The following AGAP5 variants were observed in gnomAD, a reference collection of about 807,000 sequenced individuals.
AGAP5 encodes ArfGAP with GTPase domain, ankyrin repeat and PH domain 5, also known as arf-GAP with GTPase, ANK repeat and PH domain-containing protein 5.
A neutral mutation model predicts 27.7 loss-of-function variants in AGAP5; 8 were observed. The observed-to-expected ratio is 0.29, with a 90% CI of 0.17 to 0.52. The LOEUF (loss-of-function observed/expected upper bound fraction) is 0.52. Ranked by LOEUF, AGAP5 falls within the 20% of genes least tolerant of loss-of-function variation. The probability of loss-of-function intolerance (pLI) is 0.97; values close to 1 mark genes in which losing one functional copy is unlikely to be tolerated. For missense variants in AGAP5, 285 were observed against 880.8 expected (o/e 0.32, Z 8.56); for synonymous variants, 111 against 338.0 (o/e 0.33, Z 7.37).
At chr10:73,686,361 G>A (rs1281183021) in intron 4 of AGAP5, among the ~76,000 whole-genome samples, 2 of 152,322 alleles carry the variant, frequency 1.3e-5, no homozygotes, top group Non-Finnish European at 2.9e-5. Flanking sequence ...ACATGCGGGA[G>A]AATGAAACTG....
At chr10:73,679,274 T>C (rs1332739208) in intron 6 of AGAP5, among the ~76,000 whole-genome samples, 1 of 152,122 alleles carries the variant, frequency 6.6e-6, no homozygotes, top group Non-Finnish European at 1.5e-5. Context: ...GCGGTTCTCC[T>C]GCCTCAGCCT....
chr10:73,689,257 G>A (rs559648741), intron 4 of AGAP5, among the ~76,000 whole-genome samples: 53 of 152,364 alleles, frequency 3.5e-4, no homozygotes, highest in African/African-American at 1.2e-3. Context: ...CCGAGGTGCC[G>A]GGATTGCAGA....
intron 4 of AGAP5, among the ~76,000 whole-genome samples, chr10:73,687,630 C>T (rs1430791273): frequency 1.3e-5 from 2 of 152,114 alleles, no homozygotes; most frequent in Admixed American, 6.5e-5. Flanking sequence ...GTGTAATATG[C>T]TTATTATACA....
intron 4 of AGAP5, among the ~76,000 whole-genome samples, chr10:73,689,672 C>T (rs2082097949): frequency 6.6e-6 from 1 of 151,378 alleles, no homozygotes; most frequent in South Asian, 2.1e-4. Context: ...CGTCTCTGCC[C>T]GGCCGCCCCG....
In AGAP5 at chr10:73,697,526, TC is replaced by T. The variant is rs767150160; in HGVS notation, c.223+6del. On this transcript the variant is annotated splice_donor_region_variant and intron_variant, in intron 1 of 7. Coordinates refer to ENST00000374094, the MANE Select transcript of AGAP5 (RefSeq NM_001144000.4). ...CCGAGGGTAGATGGCACCTATCACC[TC>T]CTTACCTTCAGGCATCTCCTGGTCA... 6.2e-7 allele frequency: 1 copy of T among 1,612,168 alleles called. No individual in the cohort carries two copies. The highest frequency in any genetic ancestry group is 1.3e-5 in the African/African-American group (1 of 74,842).
chr10:73,689,681 C>T (rs989159617), intron 4 of AGAP5, among the ~76,000 whole-genome samples: 7 of 151,568 alleles, frequency 4.6e-5, no homozygotes, highest in Non-Finnish European at 8.8e-5. Flanking sequence ...CCGGCCGCCC[C>T]GTCTGAGAAG....
chr10:73,686,999 A>G (rs1355773328), intron 4 of AGAP5, among the ~76,000 whole-genome samples: 1 of 152,030 alleles, frequency 6.6e-6, no homozygotes, highest in Non-Finnish European at 1.5e-5. Flanking sequence ...AGGGTGAGGG[A>G]TAAAAGACTA....
At chr10:73,688,396 G>C (rs1190050930) in intron 4 of AGAP5, among the ~76,000 whole-genome samples, 2 of 151,912 alleles carry the variant, frequency 1.3e-5, no homozygotes, top group African/African-American at 4.8e-5. Flanking sequence ...CAGAAATCCT[G>C]CTTCCAAATA....
intron 6 of AGAP5, among the ~76,000 whole-genome samples, chr10:73,678,940 A>C (rs1401964565): frequency 6.7e-6 from 1 of 148,708 alleles, no homozygotes; most frequent in South Asian, 2.2e-4. Flanking sequence ...TGCAACCTCC[A>C]CCTCCCAGGC....
chr10:73,695,059 G>A (rs1455150871), intron 2 of AGAP5, among the ~76,000 whole-genome samples: 1 of 148,610 alleles, frequency 6.7e-6, no homozygotes, highest in African/African-American at 2.5e-5. Flanking sequence ...GTAACACAAT[G>A]ACACCCTCCT....
chr10:73,688,861 T>C (rs2082086382), intron 4 of AGAP5, among the ~76,000 whole-genome samples: 1 of 152,102 alleles, frequency 6.6e-6, no homozygotes, highest in African/African-American at 2.4e-5. Flanking sequence ...TAAAACCTGG[T>C]TGTAAATAAC....
Position 73,697,687 on chromosome 10 carries a change from C to A in AGAP5, c.69G>T (p.Ser23=), listed in dbSNP as rs778698891. ...VSLEFDQQQG[S]VCPSESEIYE... is the part of the protein sequence containing the mutation. ...AGATCTCAGATTCAGAGGGACACAC[C>A]GACCCCTGTTGCTGGTCAAACTCGA... Residue 23 remains serine, a synonymous_variant, in exon 1 of 8, where the codon TCG becomes TCT. Transcript: ENST00000374094. 1 of 1,598,918 alleles carries A rather than the reference C, an allele frequency of 6.3e-7. No individual in the cohort carries two copies. Among genetic ancestry groups the A allele is most frequent in the Admixed American group, 1.7e-5 (1 of 59,994 alleles).
intron 2 of AGAP5, among the ~76,000 whole-genome samples, chr10:73,695,309 A>G (rs2082152312): frequency 6.6e-6 from 1 of 152,180 alleles, no homozygotes; most frequent in African/African-American, 2.4e-5. Context: ...GCTGTCTTCC[A>G]TAGTCATGTG....
At chr10:73,692,424 C>A (rs555008423) in intron 3 of AGAP5, among the ~76,000 whole-genome samples, 1 of 152,210 alleles carries the variant, frequency 6.6e-6, no homozygotes, top group Non-Finnish European at 1.5e-5. Flanking sequence ...TTCTCTAATT[C>A]TGCATTTACA....
intron 3 of AGAP5, among the ~76,000 whole-genome samples, chr10:73,693,110 G>A (rs1249979170): frequency 2.0e-5 from 3 of 152,192 alleles, no homozygotes; most frequent in African/African-American, 7.2e-5. Flanking sequence ...TGCTGGAAGG[G>A]CCTTGTAGGC....
chr10:73,688,668 G>A (rs145369058), intron 4 of AGAP5, among the ~76,000 whole-genome samples: 100 of 152,110 alleles, frequency 6.6e-4, no homozygotes, highest in African/African-American at 2.2e-3. Flanking sequence ...ACTGGTCTAA[G>A]CAGCCTAGCA....
In AGAP5 at chr10:73,689,985, G is replaced by C. The variant is rs569021030; in HGVS notation, c.396+2058C>G. Among the ~76,000 whole-genome samples the C allele has an allele frequency of 8.5e-3, 1,276 of 149,892 alleles. 10 individuals carry two copies. Among genetic ancestry groups the C allele is most frequent in the Middle Eastern group, 0.017 (5 of 290 alleles). On this transcript the variant is annotated intron_variant, in intron 4 of 7. Transcript: ENST00000374094. The stretch of plus-strand genomic sequence containing the variant: ...CAGCCGCCCCGTCTGGGAGGGAGGT[G>C]GGGGGTCAGCCCCCCGCCTGGCCAG...
intron 4 of AGAP5, among the ~76,000 whole-genome samples, chr10:73,691,579 G>A (rs1322332702): frequency 1.3e-5 from 2 of 148,376 alleles, no homozygotes; most frequent in East Asian, 2.0e-4. Context: ...TGCAACCTCC[G>A]CCTCCTGGGT....
At position 73,676,866 on chromosome 10, in the gene AGAP5, A is replaced by G. The variant is rs2081984493; in HGVS notation, c.534-96T>C. The G allele has an allele frequency of 5.2e-6, 4 of 762,842 alleles. No individual in the cohort carries two copies. In the South Asian group the frequency reaches 6.5e-5, roughly 12 times the overall value. 47.3% of individuals were successfully genotyped at this position (762,842 alleles called of 1,614,324 possible). On this transcript the variant is annotated intron_variant, in intron 6 of 7. Coordinates refer to ENST00000374094, the MANE Select transcript of AGAP5 (RefSeq NM_001144000.4). The stretch of plus-strand genomic sequence containing the variant: ...CTTCCTCCTGTGTGCTTTGGTGTTT[A>G]CTTTACCAAAGCAGTTTTTACAAAT...
Sources: allele counts gnomAD v4.1 joint callset (sites outside exome capture counted in the v4.1 genomes callset), GRCh38; gene constraint gnomAD v4.1.1; transcripts MANE v1.5; gene names NCBI Gene and HGNC (gene_info 2026-07-23, HGNC 2026-07-21).